TANGO6: variants seen among roughly 807,000 people sequenced by gnomAD.
TANGO6 encodes the protein transport and Golgi organization protein 6 homolog.
A neutral mutation model predicts 114.2 loss-of-function variants in TANGO6; 90 were observed. The ratio of observed to expected loss-of-function variants is 0.79; its 90% CI spans 0.66 to 0.94. The LOEUF is 0.94. TANGO6 is among the 40% of genes least tolerant of loss of function. TANGO6 has a pLI of 0.00. For missense variants in TANGO6, 1,274 were observed against 1,315.3 expected, an observed-to-expected ratio of 0.97 and a Z score of 0.49; for synonymous variants, 477 against 509.8, an observed-to-expected ratio of 0.94 and a Z score of 0.87.
At chr16:68,879,108 G>A (rs934717312) in intron 6 of TANGO6, among the ~76,000 whole-genome samples, 2 of 151,846 alleles carry the variant, frequency 1.3e-5, no homozygotes, top group Non-Finnish European at 2.9e-5. Flanking sequence ...ATAAAACTAT[G>A]TCTAAATAAA....
In TANGO6 at chr16:68,939,027, A is replaced by C. The variant is rs1258284609; in HGVS notation, c.2701+8732A>C. ...GTCAAGGCTGCAGTGAGTTATGATC[A>C]CACCACTGCACTCCAGCCTGGGTGA... is the stretch of plus-strand genomic sequence containing the variant. On this transcript the variant is annotated intron_variant, in intron 14 of 17. Transcript: ENST00000261778. Among the ~76,000 whole-genome samples the C allele has an allele frequency of 1.1e-3, 164 of 145,242 alleles. 1 individual carries two copies. Among genetic ancestry groups the C allele is most frequent in the Non-Finnish European group, 9.3e-4 (62 of 66,664 alleles).
intron 7 of TANGO6, among the ~76,000 whole-genome samples, chr16:68,893,735 CAA>C (rs796546769): frequency 1.7e-5 from 1 of 60,452 alleles, no homozygotes; most frequent in Admixed American, 2.0e-4. Context: ...AACTGTGTCT[CAA>C]AAAAAAAAAA....
At chr16:69,015,903 A>G (rs1310418992) in intron 15 of TANGO6, among the ~76,000 whole-genome samples, 1 of 152,170 alleles carries the variant, frequency 6.6e-6, no homozygotes, top group Non-Finnish European at 1.5e-5. Flanking sequence ...GCCAGTCAGT[A>G]TAAGAAACAG....
chr16:68,890,500 A>G (rs1962597808), intron 7 of TANGO6, among the ~76,000 whole-genome samples: 1 of 152,250 alleles, frequency 6.6e-6, no homozygotes, highest in Non-Finnish European at 1.5e-5. Flanking sequence ...AAGTTTCCTG[A>G]CTACTGACTT....
chr16:69,051,542 G>T (rs561102585), intron 17 of TANGO6, among the ~76,000 whole-genome samples: 21 of 152,288 alleles, frequency 1.4e-4, no homozygotes, highest in Non-Finnish European at 2.5e-4. Context: ...AATTAACTGG[G>T]TGTGGTATTG....
intron 15 of TANGO6, among the ~76,000 whole-genome samples, chr16:69,001,736 A>G (rs1235772948): frequency 6.6e-6 from 1 of 152,350 alleles, no homozygotes; most frequent in South Asian, 2.1e-4. Context: ...TGCTTTTACC[A>G]TGCATTTCAC....
intron 7 of TANGO6, among the ~76,000 whole-genome samples, chr16:68,895,497 GA>G (rs943953076): frequency 4.6e-4 from 70 of 152,366 alleles, no homozygotes; most frequent in African/African-American, 1.4e-3. Flanking sequence ...AAGGGAGCTT[GA>G]CTTTTGCCTT....
intron 3 of TANGO6, among the ~76,000 whole-genome samples, chr16:68,866,675 G>A (rs1400040811): frequency 6.6e-6 from 1 of 150,936 alleles, no homozygotes; most frequent in Non-Finnish European, 1.5e-5. Context: ...GGTGGCTCAC[G>A]CCTGTAATCC....
chr16:69,077,514 G>C (rs1898283619), intron 17 of TANGO6, among the ~76,000 whole-genome samples: 1 of 151,936 alleles, frequency 6.6e-6, no homozygotes, highest in Non-Finnish European at 1.5e-5. Context: ...TGAGGCATTG[G>C]GGCTATACCA....
chr16:68,947,432 G>A (rs888067896), intron 14 of TANGO6, among the ~76,000 whole-genome samples: 4 of 151,446 alleles, frequency 2.6e-5, no homozygotes, highest in African/African-American at 9.7e-5. Flanking sequence ...CCAGCCTGGC[G>A]ACAGAGTAAG....
intron 6 of TANGO6, among the ~76,000 whole-genome samples, chr16:68,879,447 A>G (rs747090879): frequency 6.6e-6 from 1 of 152,080 alleles, no homozygotes; most frequent in East Asian, 1.9e-4. Context: ...ACACAGTTCC[A>G]CTCCAGAGCC....
At chr16:69,016,633 G>A (rs992232326) in intron 15 of TANGO6, among the ~76,000 whole-genome samples, 3 of 151,840 alleles carry the variant, frequency 2.0e-5, no homozygotes, top group Non-Finnish European at 4.4e-5. Context: ...TTACTGTAGA[G>A]GTTTTAAAAT....
chr16:69,057,927 G>A (rs948226415), intron 17 of TANGO6, among the ~76,000 whole-genome samples: 1 of 152,124 alleles, frequency 6.6e-6, no homozygotes, highest in African/African-American at 2.4e-5. Flanking sequence ...ACGCGATTCA[G>A]CAACTTCCCA....
chr16:69,036,184 G>C (rs1487913711), intron 16 of TANGO6: 1 of 152,148 alleles, frequency 6.6e-6, no homozygotes, highest in Admixed American at 6.6e-5. Flanking sequence ...GTTGGGGTTG[G>C]AGGTGAGAGA....
At chr16:68,996,768 C>G (rs1963994354) in intron 15 of TANGO6, among the ~76,000 whole-genome samples, 1 of 151,970 alleles carries the variant, frequency 6.6e-6, no homozygotes, top group Admixed American at 6.6e-5. Flanking sequence ...TTTTTTCTCC[C>G]CAAAATATTT....
intron 11 of TANGO6, 147 bp from the exon 12 acceptor site, chr16:68,918,938 A>G (rs1378764615): frequency 3.2e-6 from 3 of 941,472 alleles, no homozygotes; most frequent in Admixed American, 2.9e-5. Context: ...TGAACATCAC[A>G]TCTGCATGGT....
chr16:68,927,333 T>C (rs182339385), intron 12 of TANGO6, among the ~76,000 whole-genome samples: 4 of 152,110 alleles, frequency 2.6e-5, no homozygotes, highest in Non-Finnish European at 2.9e-5. Context: ...GATATGAATG[T>C]GTGTGTGTGT....
intron 14 of TANGO6, among the ~76,000 whole-genome samples, chr16:68,931,342 G>A (rs1211624734): frequency 1.3e-5 from 2 of 152,174 alleles, no homozygotes; most frequent in Non-Finnish European, 1.5e-5. Flanking sequence ...AAACCAGTCT[G>A]GCAGTTCCTC....
chr16:68,849,043 T>C (rs1160208210), intron 1 of TANGO6, among the ~76,000 whole-genome samples: 4 of 152,134 alleles, frequency 2.6e-5, no homozygotes. Flanking sequence ...TCATTGCTAT[T>C]GAAATTATGG....
Sources: allele counts gnomAD v4.1 joint callset (sites outside exome capture counted in the v4.1 genomes callset), GRCh38; gene constraint gnomAD v4.1.1; transcripts MANE v1.5; gene names NCBI Gene and HGNC (gene_info 2026-07-23, HGNC 2026-07-21).